Variants in CRIM1 observed in about 807,000 individuals in gnomAD.
The protein encoded by CRIM1 is cysteine rich transmembrane BMP regulator 1, also known as cysteine-rich motor neuron 1 protein.
Under a neutral mutation model 116.4 loss-of-function variants are expected in CRIM1, and 32 were observed. The ratio of observed to expected loss-of-function variants is 0.27; its 90% CI spans 0.21 to 0.37. The LOEUF (loss-of-function observed/expected upper bound fraction) is 0.37, where lower values mean the gene tolerates loss of function less well. CRIM1 is among the 10% of genes least tolerant of loss of function. The pLI, the probability that CRIM1 is intolerant of heterozygous loss-of-function variation, is 1.00. For missense variants in CRIM1, 1,331 were observed against 1,354.8 expected, an observed-to-expected ratio of 0.98 and a Z score of 0.28; for synonymous variants, 590 against 509.2, an observed-to-expected ratio of 1.16 and a Z score of -2.13.
Position 36,441,648 on chromosome 2 carries a change from C to G in CRIM1, c.748+148C>G, listed in dbSNP as rs548767188. The G allele has an allele frequency of 1.8e-5, 18 of 1,004,974 alleles. No homozygotes were observed. The South Asian group carries it at 2.2e-4, about 13-fold the overall frequency. 62.3% of individuals were successfully genotyped at this position (1,004,974 alleles called of 1,614,324 possible). On this transcript the variant is annotated intron_variant, in intron 3 of 16. Coordinates refer to ENST00000280527, the MANE Select transcript of CRIM1 (RefSeq NM_016441.3). ...ATCTGCCACTTTGGGCTAATGGCAG[C>G]TTGACTTCTGGCCTTCTAGTCAGAG... is the stretch of plus-strand genomic sequence containing the variant.
intron 1 of CRIM1, among the ~76,000 whole-genome samples, chr2:36,387,081 A>G (rs55713741): frequency 0.012 from 1,859 of 152,310 alleles, 38 homozygotes; most frequent in African/African-American, 0.043. Context: ...GTTGGACTTC[A>G]TTTTGTAGAC....
intron 1 of CRIM1, among the ~76,000 whole-genome samples, chr2:36,391,220 C>G (rs1671568346): frequency 7.2e-6 from 1 of 139,576 alleles, no homozygotes; most frequent in African/African-American, 2.7e-5. Flanking sequence ...AGCTCCGCCT[C>G]TGGGTTCATG....
chr2:36,380,740 C>G (rs959422063), intron 1 of CRIM1, among the ~76,000 whole-genome samples: 1 of 152,154 alleles, frequency 6.6e-6, no homozygotes, highest in Non-Finnish European at 1.5e-5. Context: ...AATCATCAGA[C>G]TTTGAAAATC....
At chr2:36,464,488 T>C in intron 4 of CRIM1, 46 bp from the exon 5 acceptor site, 1 of 1,609,746 alleles carries the variant, frequency 6.2e-7, no homozygotes, top group South Asian at 1.1e-5. Context: ...GACTTCTATG[T>C]TGTTGTTTAT....
intron 14 of CRIM1, among the ~76,000 whole-genome samples, chr2:36,539,877 G>C (rs1312804645): frequency 2.0e-5 from 3 of 152,142 alleles, no homozygotes; most frequent in Non-Finnish European, 4.4e-5. Flanking sequence ...ACTGAAAGTA[G>C]ATCTACAAAT....
At chr2:36,407,926 A>G (rs1237401066) in intron 2 of CRIM1, among the ~76,000 whole-genome samples, 2 of 151,882 alleles carry the variant, frequency 1.3e-5, no homozygotes, top group African/African-American at 4.8e-5. Flanking sequence ...ATTTTTTTTC[A>G]CCTTCTTCTT....
At chr2:36,391,419 C>T (rs990472281) in intron 1 of CRIM1, among the ~76,000 whole-genome samples, 10 of 152,084 alleles carry the variant, frequency 6.6e-5, no homozygotes, top group African/African-American at 2.4e-4. Context: ...TGAGCCACCG[C>T]GCCCGGCCCA....
At chr2:36,503,115 C>T (rs745544610) in intron 8 of CRIM1, among the ~76,000 whole-genome samples, 5 of 152,174 alleles carry the variant, frequency 3.3e-5, no homozygotes, top group Non-Finnish European at 7.3e-5. Flanking sequence ...GAAGCCACAC[C>T]TTTGGGATGT....
intron 4 of CRIM1, among the ~76,000 whole-genome samples, chr2:36,462,925 T>C (rs1304948765): frequency 6.6e-6 from 1 of 152,192 alleles, no homozygotes; most frequent in African/African-American, 2.4e-5. Flanking sequence ...CAGCTCACAT[T>C]TACTCAGCGC....
At chr2:36,413,831 A>G (rs1042338221) in intron 2 of CRIM1, among the ~76,000 whole-genome samples, 1 of 152,222 alleles carries the variant, frequency 6.6e-6, no homozygotes, top group Non-Finnish European at 1.5e-5. Flanking sequence ...AAGTGTATGT[A>G]TTTGGATGGG....
chr2:36,398,245 C>G (rs3770935), intron 2 of CRIM1, among the ~76,000 whole-genome samples: 1 of 151,938 alleles, frequency 6.6e-6, no homozygotes, highest in African/African-American at 2.4e-5. Flanking sequence ...ATGGTGAGTG[C>G]GTCACCATTG....
intron 8 of CRIM1, among the ~76,000 whole-genome samples, chr2:36,504,505 C>G (rs190012754): frequency 9.9e-5 from 15 of 152,160 alleles, no homozygotes; most frequent in Admixed American, 6.5e-4. Context: ...TTGAACATAA[C>G]GTAATTTGCC....
intron 1 of CRIM1, among the ~76,000 whole-genome samples, chr2:36,389,088 T>C (rs1166173001): frequency 6.6e-6 from 1 of 152,246 alleles, no homozygotes; most frequent in East Asian, 1.9e-4. Context: ...TATAGTTACA[T>C]ATGCTTAAAA....
rs180683230 is a variant in CRIM1, at chr2:36,498,928, C to T, written c.1373-291C>T. Among the ~76,000 whole-genome samples, 7 of 152,338 alleles carry T rather than the reference C, an allele frequency of 4.6e-5. No individual in the cohort carries two copies. The East Asian group carries it at 1.2e-3, about 25-fold the overall frequency. The stretch of plus-strand genomic sequence containing the variant: ...TTAAACAGAGTTCATGTTAACCTCT[C>T]TCGTCTGCTTCCAGTAGTGGTGACC... On this transcript the variant is annotated intron_variant, in intron 7 of 16. Coordinates refer to ENST00000280527, the MANE Select transcript of CRIM1 (RefSeq NM_016441.3).
chr2:36,364,530 G>A (rs992374266), intron 1 of CRIM1, among the ~76,000 whole-genome samples: 4 of 152,168 alleles, frequency 2.6e-5, no homozygotes, highest in Non-Finnish European at 2.9e-5. Flanking sequence ...TGACCACCAG[G>A]AAAAGTTTAG....
intron 16 of CRIM1, among the ~76,000 whole-genome samples, chr2:36,547,996 G>A (rs911724120): frequency 2.0e-5 from 3 of 152,108 alleles, no homozygotes; most frequent in Non-Finnish European, 2.9e-5. Flanking sequence ...TCCTGCCTCC[G>A]ATTTTTCTTT....
At chr2:36,404,865 A>G (rs964873983) in intron 2 of CRIM1, among the ~76,000 whole-genome samples, 1 of 152,130 alleles carries the variant, frequency 6.6e-6, no homozygotes, top group Admixed American at 6.5e-5. Flanking sequence ...TAAATTTACT[A>G]TTTCAGTGCT....
intron 8 of CRIM1, among the ~76,000 whole-genome samples, chr2:36,506,534 T>C (rs1429265134): frequency 6.6e-6 from 1 of 152,088 alleles, no homozygotes; most frequent in Non-Finnish European, 1.5e-5. Context: ...CCGACAGCTG[T>C]GTCACGTTTT....
At chr2:36,540,229 G>T (rs1666856651) in intron 14 of CRIM1, among the ~76,000 whole-genome samples, 2 of 152,266 alleles carry the variant, frequency 1.3e-5, no homozygotes, top group African/African-American at 4.8e-5. Context: ...CTGCTGTAAT[G>T]AACTTCACAG....
Sources: allele counts gnomAD v4.1 joint callset (sites outside exome capture counted in the v4.1 genomes callset), GRCh38; gene constraint gnomAD v4.1.1; transcripts MANE v1.5; gene names NCBI Gene and HGNC (gene_info 2026-07-23, HGNC 2026-07-21).